ZNF267: variants seen among roughly 807,000 people sequenced by gnomAD.
ZNF267 encodes zinc finger (C2H2).
Under a neutral mutation model 71.6 loss-of-function variants are expected in ZNF267, and 61 were observed. The observed-to-expected ratio is 0.85, with a 90% CI of 0.69 to 1.05. The LOEUF (loss-of-function observed/expected upper bound fraction) is 1.05. Among genes scored for constraint, ZNF267 ranks in the 50% least tolerant of loss-of-function variants. ZNF267 has a pLI of 0.00. For synonymous variants in ZNF267, 288 were observed against 293.2 expected, an observed-to-expected ratio of 0.98 and a Z score of 0.18; for missense variants, 852 against 870.0, an observed-to-expected ratio of 0.98 and a Z score of 0.26.
intron 1 of ZNF267, among the ~76,000 whole-genome samples, chr16:31,880,874 C>T (rs1419077061): frequency 1.3e-5 from 2 of 152,234 alleles, no homozygotes; most frequent in Admixed American, 1.3e-4. Context: ...GATGCAGCAG[C>T]CATAGTCCCT....
At position 31,897,546 on chromosome 16, in the gene ZNF267, CT is replaced by C. The variant is rs968695547; in HGVS notation, c.226+12297del. Among the ~76,000 whole-genome samples the C allele has an allele frequency of 2.0e-4, 31 of 152,058 alleles. No individual in the cohort carries two copies. In the Middle Eastern group the frequency reaches 0.01, roughly 50 times the overall value. On this transcript the variant is annotated intron_variant, in intron 3 of 3. Coordinates refer to ENST00000300870, the MANE Select transcript of ZNF267 (RefSeq NM_003414.6). ...TTTAAAATCAGAAAGTAGATGTCTC[CT>C]TTTTTTCCCCCCAAGATTGTTTGGC...
intron 3 of ZNF267, among the ~76,000 whole-genome samples, chr16:31,902,082 T>G (rs1428634093): frequency 6.6e-6 from 1 of 152,238 alleles, no homozygotes; most frequent in African/African-American, 2.4e-5. Context: ...TTTGTCAGGT[T>G]TGTCAAAGAT....
chr16:31,912,227 A>T (rs1252272030), intron 3 of ZNF267: 1 of 151,702 alleles, frequency 6.6e-6, no homozygotes, highest in South Asian at 2.1e-4. Context: ...TACTTGTAGG[A>T]CAGGTCTGGT....
intron 3 of ZNF267, among the ~76,000 whole-genome samples, chr16:31,905,933 T>C (rs2084086101): frequency 6.6e-6 from 1 of 152,234 alleles, no homozygotes; most frequent in Non-Finnish European, 1.5e-5. Context: ...CTTTGGTCTT[T>C]GATGATGGTG....
intron 3 of ZNF267, among the ~76,000 whole-genome samples, chr16:31,895,246 C>T (rs921170805): frequency 1.3e-5 from 2 of 152,240 alleles, no homozygotes; most frequent in African/African-American, 4.8e-5. Context: ...GCTTATTTCA[C>T]TTAACATGAG....
At chr16:31,878,751 T>G (rs1364334702) in intron 1 of ZNF267, among the ~76,000 whole-genome samples, 16 of 152,050 alleles carry the variant, frequency 1.1e-4, no homozygotes, top group Admixed American at 1.0e-3. Flanking sequence ...GCCTTTTACT[T>G]CCCCACAAGC....
At chr16:31,905,038 C>T (rs2084076803) in intron 3 of ZNF267, among the ~76,000 whole-genome samples, 1 of 152,142 alleles carries the variant, frequency 6.6e-6, no homozygotes, top group Non-Finnish European at 1.5e-5. Context: ...TTCTCCTTCA[C>T]TTATGAAGCT....
At chr16:31,902,515 G>C (rs1363044002) in intron 3 of ZNF267, among the ~76,000 whole-genome samples, 1 of 152,084 alleles carries the variant, frequency 6.6e-6, no homozygotes, top group Non-Finnish European at 1.5e-5. Flanking sequence ...CACATCCCTT[G>C]TAAGTTGGAT....
chr16:31,901,792 C>A (rs1242213830), intron 3 of ZNF267, among the ~76,000 whole-genome samples: 1 of 152,128 alleles, frequency 6.6e-6, no homozygotes, highest in African/African-American at 2.4e-5. Context: ...GAAGCTCTTT[C>A]ATTTAATTAG....
Position 31,915,341 on chromosome 16 carries a change from T to G in ZNF267, c.1092T>G (p.Ser364Arg). The change falls in exon 4 of 4, where the codon AGT becomes AGG. Residue 364 changes from serine (S) to arginine (R), a missense_variant. Ser to Arg is a moderately radical substitution (Grantham distance 110). Coordinates refer to ENST00000300870, the MANE Select transcript of ZNF267 (RefSeq NM_003414.6). ...GCAAGGTCTTTAACCTTAACTGTAG[T>G]TTATACCTTACTAAACAGCAGCAAA... ...ECGKVFNLNC[S>R]LYLTKQQQID... 6.2e-7 allele frequency: 1 copy of G among 1,613,662 alleles called. No homozygotes were observed. Among genetic ancestry groups the G allele is most frequent in the Non-Finnish European group, 8.5e-7 (1 of 1,179,858 alleles).
chr16:31,881,072 A>C (rs1291633297), intron 1 of ZNF267, among the ~76,000 whole-genome samples: 1 of 152,070 alleles, frequency 6.6e-6, no homozygotes, highest in Non-Finnish European at 1.5e-5. Context: ...TGTTATTATA[A>C]TTATTATTTA....
At chr16:31,910,966 G>T (rs1017461131) in intron 3 of ZNF267, among the ~76,000 whole-genome samples, 1 of 151,428 alleles carries the variant, frequency 6.6e-6, no homozygotes, top group Admixed American at 6.6e-5. Context: ...ATTGAGGAGC[G>T]TATTGTTTAA....
chr16:31,876,047 C>CT (rs1437226365), intron 1 of ZNF267, among the ~76,000 whole-genome samples: 1 of 152,048 alleles, frequency 6.6e-6, no homozygotes, highest in Non-Finnish European at 1.5e-5. Flanking sequence ...CAGAGAAAAT[C>CT]TTTCTTTCAT....
Position 31,915,234 on chromosome 16 carries a change from G to T in ZNF267, c.985G>T (p.Asp329Tyr). 1 of 1,613,854 alleles carries T rather than the reference G, an allele frequency of 6.2e-7. No individual in the cohort carries two copies. The highest frequency in any genetic ancestry group is 8.5e-7 in the Non-Finnish European group (1 of 1,179,922). The stretch of plus-strand genomic sequence containing the variant: ...ACCATACAAATGTGAAAAATGTGGG[G>T]ATAGCTTAAACCATAGTTTGCACCT... ...EKPYKCEKCGDSLNHSLHLTQ... is the reference protein window; with the variant it reads ...EKPYKCEKCGYSLNHSLHLTQ... Residue 329 changes from aspartate to tyrosine, a missense_variant, in exon 4 of 4, where the codon GAT becomes TAT. Transcript: ENST00000300870.
chr16:31,910,783 A>C (rs1014135281), intron 3 of ZNF267, among the ~76,000 whole-genome samples: 1 of 151,268 alleles, frequency 6.6e-6, no homozygotes, highest in African/African-American at 2.4e-5. Context: ...TTTTTCTTTA[A>C]GATCCAACAT....
intron 3 of ZNF267, among the ~76,000 whole-genome samples, chr16:31,900,691 G>A (rs900689173): frequency 8.0e-5 from 12 of 150,466 alleles, no homozygotes; most frequent in African/African-American, 2.4e-4. Flanking sequence ...TGATCCACCC[G>A]TCTTGGCCTC....
rs754967543 is a variant in ZNF267 at position 31,875,251 on chromosome 16, G to T, written c.3+1282G>T. 1.6e-5 allele frequency: 21 copies of T among 1,289,212 alleles called. No individual in the cohort carries two copies. In the South Asian group the frequency reaches 1.7e-4, roughly 11 times the overall value. The allele number at this position is 1,289,212 out of a possible 1,614,324, so 79.9% of individuals were successfully genotyped here. A position where few individuals can be genotyped will look rare whatever the true frequency, so the allele number is the denominator to read the frequency against. On this transcript the variant is annotated intron_variant, in intron 1 of 3. Transcript: ENST00000300870. Reference sequence around the variant, plus strand: ...GCCCACAGTGGCCATGTCTCCTGGAGTGTTTAGTGACTGTCAGCCCCAGGT... The same window carrying T: ...GCCCACAGTGGCCATGTCTCCTGGATTGTTTAGTGACTGTCAGCCCCAGGT...
intron 3 of ZNF267, among the ~76,000 whole-genome samples, chr16:31,894,224 A>T (rs2083980600): frequency 6.6e-6 from 1 of 152,164 alleles, no homozygotes. Context: ...TCTTTTCTAG[A>T]TTTGAGGAAA....
At chr16:31,896,248 A>G (rs2083997726) in intron 3 of ZNF267, among the ~76,000 whole-genome samples, 1 of 152,050 alleles carries the variant, frequency 6.6e-6, no homozygotes, top group South Asian at 2.1e-4. Context: ...CTGACCTCAA[A>G]TGATTCTCCC....
Sources: gnomAD v4.1 joint callset for allele counts (sites outside exome capture counted in the v4.1 genomes callset) on GRCh38, gnomAD v4.1.1 for gene constraint, MANE v1.5 for transcripts, NCBI Gene and HGNC (gene_info 2026-07-23, HGNC 2026-07-21) for gene names.